Variants in RBFOX3 observed in about 807,000 individuals in gnomAD.
RBFOX3 encodes RNA binding protein fox-1 homolog 3.
RBFOX3 carries 17 observed loss-of-function variants against 48.7 expected under a neutral mutation model. That is an observed-to-expected ratio of 0.35 (90% CI 0.24 to 0.52). The LOEUF (loss-of-function observed/expected upper bound fraction) is 0.52. RBFOX3 is among the 20% of genes least tolerant of loss of function. The pLI is 0.94. For synonymous variants in RBFOX3, 212 were observed against 209.5 expected (o/e 1.01, Z -0.10); for missense variants, 382 against 497.5 (o/e 0.77, Z 2.21).
intron 2 of RBFOX3, among the ~76,000 whole-genome samples, chr17:79,372,143 C>T (rs1263919351): frequency 1.3e-5 from 2 of 152,064 alleles, no homozygotes; most frequent in Non-Finnish European, 2.9e-5. Context: ...CAATGCGCTG[C>T]CCGGTGCTGT....
chr17:79,420,548 TCCCAA>T (rs1335358925), intron 2 of RBFOX3, among the ~76,000 whole-genome samples: 2 of 151,944 alleles, frequency 1.3e-5, no homozygotes, highest in Non-Finnish European at 1.5e-5. Flanking sequence ...TCTGCCCCCA[TCCCAA>T]CCCAGGAGAA....
chr17:79,532,344 G>A (rs1390500468), intron 1 of RBFOX3, among the ~76,000 whole-genome samples: 1 of 152,218 alleles, frequency 6.6e-6, no homozygotes, highest in Admixed American at 6.5e-5. Context: ...GGCACAGAGG[G>A]GATTGAGGTG....
intron 2 of RBFOX3, among the ~76,000 whole-genome samples, chr17:79,383,182 C>T (rs930179488): frequency 1.3e-5 from 2 of 152,176 alleles, no homozygotes; most frequent in Non-Finnish European, 2.9e-5. Context: ...GGGGTGTATC[C>T]ATAGACCAGG....
chr17:79,337,064 G>C lies in RBFOX3; in HGVS notation c.-174-29240C>G, dbSNP rs537536660. Among the ~76,000 whole-genome samples the C allele has an allele frequency of 2.0e-5, 3 of 152,134 alleles. No individual in the cohort carries two copies. In the East Asian group the frequency reaches 5.8e-4, roughly 29 times the overall value. ...GAACCTGGAGCAGAGGTTGCAGTGA[G>C]AGGAGATTTTACCACTGCACTCCAG... is the stretch of plus-strand genomic sequence containing the variant. On this transcript the variant is annotated intron_variant, in intron 2 of 14. Coordinates refer to ENST00000693108, the MANE Select transcript of RBFOX3 (RefSeq NM_001350451.2).
intron 1 of RBFOX3, among the ~76,000 whole-genome samples, chr17:79,580,312 C>G (rs1270393452): frequency 6.9e-6 from 1 of 143,902 alleles, no homozygotes; most frequent in African/African-American, 2.6e-5. Context: ...CTTCTCCTCC[C>G]TCTCCCTTCT....
chr17:79,457,572 C>T (rs1044428476), intron 2 of RBFOX3, among the ~76,000 whole-genome samples: 5 of 152,122 alleles, frequency 3.3e-5, no homozygotes, highest in Admixed American at 1.3e-4. Flanking sequence ...CCGGGACCTC[C>T]GTTTCCGGGG....
At chr17:79,662,622 T>A in the RBFOX3 span, among the ~76,000 whole-genome samples, 1 of 152,206 alleles carries the variant, frequency 6.6e-6, no homozygotes, top group African/African-American at 2.4e-5. Flanking sequence ...TGTATTAGAA[T>A]CTTTTTACTG....
chr17:79,651,691 TCCCCCTC>T, the RBFOX3 span, among the ~76,000 whole-genome samples: 1 of 66,784 alleles, frequency 1.5e-5, no homozygotes, highest in Admixed American at 2.2e-4. Flanking sequence ...CCTCCTTCCC[TCCCCCTC>T]CCCCCTCCCT....
At chr17:79,258,194 G>C (rs888450378) in intron 3 of RBFOX3, among the ~76,000 whole-genome samples, 1 of 152,182 alleles carries the variant, frequency 6.6e-6, no homozygotes, top group Non-Finnish European at 1.5e-5. Flanking sequence ...CCTCCGCGGT[G>C]AATAGCTCAG....
intron 2 of RBFOX3, among the ~76,000 whole-genome samples, chr17:79,309,616 G>A (rs1052577918): frequency 5.9e-5 from 9 of 152,082 alleles, no homozygotes; most frequent in Non-Finnish European, 1.3e-4. Flanking sequence ...ATGGCCTGTC[G>A]CATCATAATG....
intron 2 of RBFOX3, among the ~76,000 whole-genome samples, chr17:79,385,757 C>T (rs535134893): frequency 6.6e-6 from 1 of 152,296 alleles, no homozygotes; most frequent in East Asian, 1.9e-4. Flanking sequence ...GATGGGGGCT[C>T]CATCACTCTC....
intron 3 of RBFOX3, among the ~76,000 whole-genome samples, chr17:79,250,753 T>C (rs1250906509): frequency 6.6e-6 from 1 of 151,944 alleles, no homozygotes; most frequent in Non-Finnish European, 1.5e-5. Context: ...CTTTCTTCCT[T>C]TCTTTCCTTT....
At chr17:79,402,293 T>C (rs1228157059) in intron 2 of RBFOX3, among the ~76,000 whole-genome samples, 1 of 152,238 alleles carries the variant, frequency 6.6e-6, no homozygotes, top group Non-Finnish European at 1.5e-5. Flanking sequence ...TGGTGATTCA[T>C]TACCCCTGAT....
At chr17:79,369,289 C>A (rs1387999252) in intron 2 of RBFOX3, among the ~76,000 whole-genome samples, 1 of 152,106 alleles carries the variant, frequency 6.6e-6, no homozygotes, top group Non-Finnish European at 1.5e-5. Flanking sequence ...CATCTGTACC[C>A]AAAGGCACCG....
chr17:79,273,524 C>T (rs1485476607), intron 3 of RBFOX3, among the ~76,000 whole-genome samples: 1 of 150,310 alleles, frequency 6.7e-6, no homozygotes, highest in Non-Finnish European at 1.5e-5. Context: ...AGTGAAATCA[C>T]CAAGCCAGGC....
At chr17:79,177,546 G>A (rs1394108556) in intron 4 of RBFOX3, among the ~76,000 whole-genome samples, 1 of 152,144 alleles carries the variant, frequency 6.6e-6, no homozygotes, top group Non-Finnish European at 1.5e-5. Context: ...AGCCCAACCT[G>A]CTCCTCTGGC....
chr17:79,361,009 G>A lies in RBFOX3; in HGVS notation c.-174-53185C>T, dbSNP rs1419527878. Among the ~76,000 whole-genome samples the A allele has an allele frequency of 6.6e-6, 1 of 152,104 alleles. No individual in the cohort carries two copies. Among genetic ancestry groups the A allele is most frequent in the Non-Finnish European group, 1.5e-5 (1 of 68,030 alleles). On this transcript the variant is annotated intron_variant, in intron 2 of 14. Transcript: ENST00000693108. This position sits in a 1 kb window ranked among gnomAD's most constrained non-coding sequence, Gnocchi z 4.5. ...GGTTATTTCTGCTGAATGCCGCACC[G>A]TGCCTGGGAAGAACATCAGCTTTTG...
At chr17:79,595,189 G>A (rs1022194245) in intron 1 of RBFOX3, among the ~76,000 whole-genome samples, 1 of 151,844 alleles carries the variant, frequency 6.6e-6, no homozygotes, top group Non-Finnish European at 1.5e-5. Flanking sequence ...TGCCGAGGCT[G>A]ACCATAATGG....
the RBFOX3 span, among the ~76,000 whole-genome samples, chr17:79,653,419 AG>A: frequency 6.6e-6 from 1 of 152,256 alleles, no homozygotes; most frequent in South Asian, 2.1e-4. Flanking sequence ...TATTAACTCC[AG>A]GATAAACAGA....
Sources: gnomAD v4.1 joint callset for allele counts (sites outside exome capture counted in the v4.1 genomes callset) on GRCh38, gnomAD v4.1.1 for gene constraint, Gnocchi (gnomAD v3.1) non-coding constraint, MANE v1.5 for transcripts, NCBI Gene and HGNC (gene_info 2026-07-23, HGNC 2026-07-21) for gene names.